THSD4: variants seen among roughly 807,000 people sequenced by gnomAD.
THSD4 encodes the protein thrombospondin type 1 domain containing 4.
A neutral mutation model predicts 119.0 loss-of-function variants in THSD4; 69 were observed. That is an observed-to-expected ratio of 0.58 (90% CI 0.48 to 0.71). The LOEUF (loss-of-function observed/expected upper bound fraction) is 0.71. Among genes scored for constraint, THSD4 ranks in the 30% least tolerant of loss-of-function variants. THSD4 has a pLI of 0.00. For synonymous variants in THSD4, 524 were observed against 540.4 expected (o/e 0.97, Z 0.42); for missense variants, 1,393 against 1,391.1 (o/e 1.00, Z -0.02).
intron 4 of THSD4, among the ~76,000 whole-genome samples, chr15:71,224,721 T>C (rs936709750): frequency 7.9e-5 from 12 of 152,232 alleles, no homozygotes; most frequent in African/African-American, 1.2e-4. Flanking sequence ...TTTGAGAGGC[T>C]GCCTACTTGC....
intron 7 of THSD4, among the ~76,000 whole-genome samples, chr15:71,446,981 A>T (rs1320464010): frequency 6.6e-6 from 1 of 152,116 alleles, no homozygotes; most frequent in Non-Finnish European, 1.5e-5. Context: ...GATTTAAAGA[A>T]GTCAGGGGAG....
chr15:71,483,725 A>C (rs1045259006), intron 7 of THSD4, among the ~76,000 whole-genome samples: 1 of 152,134 alleles, frequency 6.6e-6, no homozygotes, highest in East Asian at 1.9e-4. Flanking sequence ...TGCATTAGCC[A>C]TTTATCCTGA....
chr15:71,109,157 A>G (rs981665742), intron 1 of THSD4, among the ~76,000 whole-genome samples: 3 of 152,198 alleles, frequency 2.0e-5, no homozygotes, highest in Admixed American at 6.5e-5. Flanking sequence ...CTAATACCAG[A>G]GGAATAGAGG....
At chr15:71,741,950 TG>T (rs769375862) in intron 11 of THSD4, among the ~76,000 whole-genome samples, 1 of 152,258 alleles carries the variant, frequency 6.6e-6, no homozygotes, top group Non-Finnish European at 1.5e-5. Flanking sequence ...TCCTTTGCTC[TG>T]TCCCAGGCGG....
At chr15:71,678,054 A>G (rs1234767632) in intron 8 of THSD4, among the ~76,000 whole-genome samples, 2 of 152,208 alleles carry the variant, frequency 1.3e-5, no homozygotes, top group Non-Finnish European at 2.9e-5. Flanking sequence ...CAGGTCTCCT[A>G]TCTGGATTAG....
intron 3 of THSD4, chr15:71,183,941 A>T (rs1567149339): frequency 6.6e-6 from 1 of 151,846 alleles, no homozygotes; most frequent in Admixed American, 6.6e-5. Context: ...CTGGGGACAA[A>T]GTTGCCTGCA....
intron 6 of THSD4, among the ~76,000 whole-genome samples, chr15:71,270,297 C>A (rs1034778316): frequency 6.6e-6 from 1 of 152,204 alleles, no homozygotes; most frequent in Non-Finnish European, 1.5e-5. Context: ...AATAATGCCA[C>A]ACTTCCACAA....
intron 6 of THSD4, among the ~76,000 whole-genome samples, chr15:71,374,379 G>C (rs1412305539): frequency 6.6e-6 from 1 of 152,232 alleles, no homozygotes; most frequent in African/African-American, 2.4e-5. Flanking sequence ...GGATAAGAGA[G>C]AGATCAGCAA....
intron 1 of THSD4, among the ~76,000 whole-genome samples, chr15:71,136,842 C>T (rs1008664551): frequency 6.6e-6 from 1 of 151,998 alleles, no homozygotes; most frequent in African/African-American, 2.4e-5. Context: ...CAGAGGTGGG[C>T]CTGTGTGTAA....
At chr15:71,226,584 C>T (rs773873105) in intron 4 of THSD4, among the ~76,000 whole-genome samples, 10 of 152,192 alleles carry the variant, frequency 6.6e-5, no homozygotes, top group Non-Finnish European at 1.2e-4. Flanking sequence ...TGCATTTCAT[C>T]GGTAATAACT....
chr15:71,369,190 A>G (rs879833600), intron 6 of THSD4, among the ~76,000 whole-genome samples: 16 of 152,336 alleles, frequency 1.1e-4, no homozygotes, highest in South Asian at 4.1e-4. Context: ...GGCTGTGACA[A>G]TGGGGTTTTC....
At chr15:71,346,863 A>ATTT (rs1596355013) in intron 6 of THSD4, among the ~76,000 whole-genome samples, 1 of 95,244 alleles carries the variant, frequency 1.0e-5, no homozygotes, top group Non-Finnish European at 2.2e-5. Context: ...TTTCATTTTC[A>ATTT]TTTTCTTTTT....
intron 7 of THSD4, among the ~76,000 whole-genome samples, chr15:71,516,562 C>G (rs1247464581): frequency 2.0e-5 from 3 of 152,162 alleles, no homozygotes; most frequent in Non-Finnish European, 2.9e-5. Flanking sequence ...ATTGTCTAGT[C>G]TAGTATTTCC....
At chr15:71,710,323 C>T (rs1008177973) in intron 8 of THSD4, among the ~76,000 whole-genome samples, 2 of 152,166 alleles carry the variant, frequency 1.3e-5, no homozygotes, top group East Asian at 3.8e-4. Flanking sequence ...GTTTTAAAAA[C>T]CACCAATTTA....
At chr15:71,565,595 A>C (rs538855776) in intron 7 of THSD4, among the ~76,000 whole-genome samples, 3 of 152,222 alleles carry the variant, frequency 2.0e-5, no homozygotes, top group African/African-American at 4.8e-5. Context: ...GAGAAGTAAA[A>C]GACTTTAGCA....
chr15:71,299,658 A>G (rs1596322674), intron 6 of THSD4, among the ~76,000 whole-genome samples: 1 of 152,264 alleles, frequency 6.6e-6, no homozygotes, highest in South Asian at 2.1e-4. Context: ...TTAATAACAT[A>G]TATTTCAAAA....
At chr15:71,332,292 T>C (rs546544850) in intron 6 of THSD4, among the ~76,000 whole-genome samples, 2 of 152,284 alleles carry the variant, frequency 1.3e-5, no homozygotes, top group East Asian at 3.9e-4. Flanking sequence ...TAGTTGGAGG[T>C]CTGCGAAGAG....
At chr15:71,664,009 G>T (rs2051363245) in intron 8 of THSD4, among the ~76,000 whole-genome samples, 1 of 151,276 alleles carries the variant, frequency 6.6e-6, no homozygotes, top group South Asian at 2.1e-4. Context: ...CCGAGACAGA[G>T]TCTCACTCTG....
chr15:71,394,911 A>C (rs1381645604), intron 6 of THSD4, among the ~76,000 whole-genome samples: 2 of 152,230 alleles, frequency 1.3e-5, no homozygotes, highest in African/African-American at 4.8e-5. Flanking sequence ...ATATTTCTGA[A>C]CAGATGTCAG....
Sources: gnomAD v4.1 joint callset for allele counts (sites outside exome capture counted in the v4.1 genomes callset) on GRCh38, gnomAD v4.1.1 for gene constraint, MANE v1.5 for transcripts, NCBI Gene and HGNC (gene_info 2026-07-23, HGNC 2026-07-21) for gene names.